DCC: variants seen among roughly 807,000 people sequenced by gnomAD.
The protein encoded by DCC is netrin receptor DCC.
DCC carries 58 observed loss-of-function variants against 172.5 expected under a neutral mutation model. The observed-to-expected ratio is 0.34, with a 90% CI of 0.27 to 0.42. The LOEUF is 0.42. Among genes scored for constraint, DCC ranks in the 10% least tolerant of loss-of-function variants. The probability of loss-of-function intolerance (pLI) is 1.00; values close to 1 mark genes in which losing one functional copy is unlikely to be tolerated. For missense variants in DCC, 1,740 were observed against 1,791.0 expected, an observed-to-expected ratio of 0.97 and a Z score of 0.51; for synonymous variants, 709 against 644.5, an observed-to-expected ratio of 1.10 and a Z score of -1.52.
chr18:53,065,748 T>C (rs1050504655), intron 6 of DCC, among the ~76,000 whole-genome samples: 7 of 152,208 alleles, frequency 4.6e-5, no homozygotes, highest in Non-Finnish European at 7.3e-5. Flanking sequence ...CTATAATTAA[T>C]AAAATACTTG....
chr18:52,413,575 C>G (rs910183027), intron 1 of DCC, among the ~76,000 whole-genome samples: 1 of 136,124 alleles, frequency 7.3e-6, no homozygotes, highest in South Asian at 2.5e-4. Flanking sequence ...TTATTTTTAA[C>G]CCTATTAACA....
intron 1 of DCC, among the ~76,000 whole-genome samples, chr18:52,656,374 G>T (rs1391062408): frequency 6.6e-6 from 1 of 151,918 alleles, no homozygotes; most frequent in Non-Finnish European, 1.5e-5. Context: ...ACTGGAAAAT[G>T]GGCCCTCACC....
chr18:53,056,090 A>G (rs1299218490), intron 5 of DCC, among the ~76,000 whole-genome samples: 1 of 152,254 alleles, frequency 6.6e-6, no homozygotes, highest in East Asian at 1.9e-4. Context: ...ACTGCTATAA[A>G]GGTACTACCT....
chr18:52,919,436 A>T (rs959355317), intron 3 of DCC, among the ~76,000 whole-genome samples: 11 of 152,190 alleles, frequency 7.2e-5, no homozygotes, highest in Non-Finnish European at 1.5e-4. Context: ...TTATCAAATG[A>T]TATAAAGAAA....
At chr18:53,174,939 C>CA (rs778981573) in intron 8 of DCC, among the ~76,000 whole-genome samples, 14 of 152,156 alleles carry the variant, frequency 9.2e-5, no homozygotes, top group Non-Finnish European at 2.1e-4. Context: ...AAAATACTGG[C>CA]AAAACGAATC....
chr18:52,986,859 A>ACACACAC lies in DCC; in HGVS notation c.985+61489_985+61490insCACACAC, dbSNP rs1303037625. Among the ~76,000 whole-genome samples, 4 of 133,288 alleles carry ACACACAC rather than the reference A, an allele frequency of 3.0e-5. No homozygotes were observed. The South Asian group carries it at 1.1e-3, about 35-fold the overall frequency. 87.4% of individuals were successfully genotyped at this position (133,288 alleles called of 152,430 possible). ...ATACACACACACACACACACACACA[A>ACACACAC]ACAGACATATATATGCGCAGTGGTG... On this transcript the variant is annotated intron_variant, in intron 5 of 28. Transcript: ENST00000442544.
chr18:52,387,364 C>T (rs139823574), intron 1 of DCC, among the ~76,000 whole-genome samples: 2 of 152,160 alleles, frequency 1.3e-5, no homozygotes, highest in African/African-American at 4.8e-5. Flanking sequence ...TTACAGGAGA[C>T]CAGAGAGCGA....
At chr18:53,411,271 A>G (rs1288507536) in intron 20 of DCC, among the ~76,000 whole-genome samples, 1 of 152,126 alleles carries the variant, frequency 6.6e-6, no homozygotes, top group Non-Finnish European at 1.5e-5. Flanking sequence ...TGGGGGACAA[A>G]TGGTTTGAAG....
chr18:52,483,160 C>G (rs924475987), intron 1 of DCC, among the ~76,000 whole-genome samples: 1 of 152,048 alleles, frequency 6.6e-6, no homozygotes, highest in Non-Finnish European at 1.5e-5. Context: ...CCTCTGCCTT[C>G]CTCTAATAAG....
intron 12 of DCC, among the ~76,000 whole-genome samples, chr18:53,261,815 G>C (rs536633570): frequency 6.6e-6 from 1 of 152,082 alleles, no homozygotes; most frequent in Non-Finnish European, 1.5e-5. Context: ...GAATACCTTC[G>C]TGGGGTCTGC....
chr18:52,794,180 G>T (rs1262019941), intron 2 of DCC, among the ~76,000 whole-genome samples: 2 of 151,816 alleles, frequency 1.3e-5, no homozygotes, highest in Non-Finnish European at 2.9e-5. Context: ...TATTTCTCTT[G>T]AGAACGTCGT....
intron 2 of DCC, among the ~76,000 whole-genome samples, chr18:52,859,961 A>C (rs956203748): frequency 2.0e-5 from 3 of 152,136 alleles, no homozygotes; most frequent in African/African-American, 7.2e-5. Context: ...TAAATAAATA[A>C]ATACATTATT....
chr18:52,675,784 G>T (rs1455651351), intron 1 of DCC, among the ~76,000 whole-genome samples: 2 of 152,288 alleles, frequency 1.3e-5, no homozygotes, highest in East Asian at 3.9e-4. Flanking sequence ...CATAGAAAAA[G>T]ATTTCTGTTT....
intron 1 of DCC, among the ~76,000 whole-genome samples, chr18:52,634,066 A>C (rs1054640264): frequency 2.6e-5 from 4 of 152,192 alleles, no homozygotes; most frequent in African/African-American, 7.2e-5. Context: ...CTTTGTTGGG[A>C]GGAGTCACTC....
chr18:52,936,809 TTA>T (rs1446643644), intron 5 of DCC, among the ~76,000 whole-genome samples: 66 of 152,312 alleles, frequency 4.3e-4, no homozygotes, highest in African/African-American at 1.4e-3. Context: ...TCAAACCACA[TTA>T]GACAGAAATG....
chr18:52,941,703 CAA>C (rs1004836061), intron 5 of DCC, among the ~76,000 whole-genome samples: 4 of 152,056 alleles, frequency 2.6e-5, no homozygotes, highest in South Asian at 2.1e-4. Context: ...CTTCATTCAC[CAA>C]AGAGACTACT....
chr18:53,152,381 T>C (rs952692805), intron 7 of DCC, among the ~76,000 whole-genome samples: 1 of 152,182 alleles, frequency 6.6e-6, no homozygotes, highest in African/African-American at 2.4e-5. Flanking sequence ...GAAAAAGTCC[T>C]TGGTATCTAG....
At chr18:53,305,774 G>A (rs2057193334) in intron 13 of DCC, 55 bp downstream of exon 13, 19 of 1,565,154 alleles carry the variant, frequency 1.2e-5, no homozygotes, top group Non-Finnish European at 1.6e-5. Flanking sequence ...AATGCTTTAG[G>A]AATAAAATAT....
chr18:52,801,560 TAA>T (rs1471738519), intron 2 of DCC, among the ~76,000 whole-genome samples: 2 of 152,182 alleles, frequency 1.3e-5, no homozygotes, highest in East Asian at 3.9e-4. Flanking sequence ...AAATAATAAT[TAA>T]AAGTCTATCT....
Sources: gnomAD v4.1 joint callset for allele counts (sites outside exome capture counted in the v4.1 genomes callset) on GRCh38, gnomAD v4.1.1 for gene constraint, MANE v1.5 for transcripts, NCBI Gene and HGNC (gene_info 2026-07-23, HGNC 2026-07-21) for gene names.